TMC1: variants seen among roughly 807,000 people sequenced by gnomAD.
TMC1 encodes transmembrane channel-like protein 1.
Under a neutral mutation model 105.8 loss-of-function variants are expected in TMC1, and 84 were observed. The observed-to-expected ratio is 0.79, with a 90% confidence interval of 0.67 to 0.95. TMC1 has a LOEUF of 0.95. Among genes scored for constraint, TMC1 ranks in the 40% least tolerant of loss-of-function variants. The pLI is 0.00. For synonymous variants in TMC1, 315 were observed against 311.5 expected (o/e 1.01, Z -0.12); for missense variants, 817 against 914.1 (o/e 0.89, Z 1.37).
chr9:72,723,724 G>A (rs1827070800), intron 8 of TMC1, among the ~76,000 whole-genome samples: 1 of 152,106 alleles, frequency 6.6e-6, no homozygotes, highest in Non-Finnish European at 1.5e-5. Flanking sequence ...GTTCTCAATT[G>A]TTAGGGAAGT....
At chr9:72,550,433 A>C (rs1823841577) in intron 1 of TMC1, among the ~76,000 whole-genome samples, 1 of 150,486 alleles carries the variant, frequency 6.6e-6, no homozygotes, top group Non-Finnish European at 1.5e-5. Flanking sequence ...GTGCCACTGC[A>C]CTCTAGCCTA....
In TMC1 at chr9:72,788,487, G is replaced by C; in HGVS notation, c.1029+4G>C. 4 of 1,613,872 alleles carry C rather than the reference G, an allele frequency of 2.5e-6. No homozygotes were observed. The highest frequency in any genetic ancestry group is 3.4e-6 in the Non-Finnish European group (4 of 1,179,844). ...TTCTATCACAATGAACTTTAAGGTA[G>C]AGGCACCAACTTCAAAAACCTGCTG... On this transcript the variant is annotated splice_donor_region_variant and intron_variant, in intron 14 of 23. Coordinates refer to ENST00000297784, the MANE Select transcript of TMC1 (RefSeq NM_138691.3).
intron 1 of TMC1, among the ~76,000 whole-genome samples, chr9:72,565,459 A>G (rs1043081997): frequency 6.6e-6 from 1 of 152,212 alleles, no homozygotes; most frequent in Non-Finnish European, 1.5e-5. Context: ...CACTGACTCT[A>G]TGTGTAAGAA....
Position 72,807,020 on chromosome 9 carries a change from G to A in TMC1, c.1695+1510G>A, listed in dbSNP as rs534400841. Among the ~76,000 whole-genome samples, 11 of 152,372 alleles carry A rather than the reference G, an allele frequency of 7.2e-5. No individual in the cohort carries two copies. The East Asian group carries it at 9.6e-4, about 13-fold the overall frequency. On this transcript the variant is annotated intron_variant, in intron 18 of 23. Transcript: ENST00000297784. ...ACTCCGTCTGCAATCCCGGCACCTCGGGAGGCTGAGGCTGGCGGATCACTT... is the reference window on the plus strand; with the variant it reads ...ACTCCGTCTGCAATCCCGGCACCTCAGGAGGCTGAGGCTGGCGGATCACTT...
chr9:72,593,713 TA>T (rs929307604), intron 2 of TMC1, among the ~76,000 whole-genome samples: 390 of 145,538 alleles, frequency 2.7e-3, no homozygotes, highest in African/African-American at 6.5e-3. Flanking sequence ...ATTTCTATTT[TA>T]AAAAAAAAAA....
chr9:72,615,672 G>A (rs543007570), intron 2 of TMC1, among the ~76,000 whole-genome samples: 1 of 151,902 alleles, frequency 6.6e-6, no homozygotes, highest in South Asian at 2.1e-4. Context: ...TCATCCTTTA[G>A]CATTAAGTTG....
chr9:72,808,313 G>C (rs1430606138), intron 18 of TMC1, among the ~76,000 whole-genome samples: 2 of 152,140 alleles, frequency 1.3e-5, no homozygotes, highest in East Asian at 1.9e-4. Flanking sequence ...TGTTTCTCCC[G>C]CAAGGGGTGC....
chr9:72,785,320 C>T (rs1828152350), intron 13 of TMC1, among the ~76,000 whole-genome samples: 1 of 152,194 alleles, frequency 6.6e-6, no homozygotes, highest in African/African-American at 2.4e-5. Flanking sequence ...TAATCACACA[C>T]TGTGACCATC....
chr9:72,557,600 C>T (rs545825774), intron 1 of TMC1, among the ~76,000 whole-genome samples: 1 of 152,294 alleles, frequency 6.6e-6, no homozygotes, highest in East Asian at 1.9e-4. Flanking sequence ...CCATGTCCCC[C>T]AGATCTAGGT....
At chr9:72,587,947 G>A (rs1564428585) in intron 2 of TMC1, among the ~76,000 whole-genome samples, 2 of 151,830 alleles carry the variant, frequency 1.3e-5, no homozygotes, top group African/African-American at 2.4e-5. Flanking sequence ...CCCCATGCCT[G>A]GCTAAGGTTT....
At chr9:72,633,946 C>G (rs1248981400) in intron 4 of TMC1, among the ~76,000 whole-genome samples, 1 of 152,138 alleles carries the variant, frequency 6.6e-6, no homozygotes, top group Non-Finnish European at 1.5e-5. Context: ...CACAGAAAAA[C>G]CAATACATCA....
At chr9:72,675,019 T>G (rs926992232) in intron 5 of TMC1, among the ~76,000 whole-genome samples, 1 of 152,180 alleles carries the variant, frequency 6.6e-6, no homozygotes, top group Admixed American at 6.6e-5. Flanking sequence ...TTAAGAAGAA[T>G]GCAGAAGTAT....
intron 1 of TMC1, among the ~76,000 whole-genome samples, chr9:72,532,533 C>A (rs760317303): frequency 2.4e-4 from 29 of 118,552 alleles, no homozygotes; most frequent in Non-Finnish European, 4.8e-4. Context: ...AAGAGCGAGA[C>A]TCCGTCTCAA....
chr9:72,709,473 C>T (rs1361841158), intron 8 of TMC1, among the ~76,000 whole-genome samples: 1 of 152,018 alleles, frequency 6.6e-6, no homozygotes, highest in Non-Finnish European at 1.5e-5. Flanking sequence ...TCTGTCTGGT[C>T]CTGGACTTTT....
At chr9:72,724,933 A>G (rs192492500) in intron 8 of TMC1, among the ~76,000 whole-genome samples, 2 of 152,308 alleles carry the variant, frequency 1.3e-5, no homozygotes, top group Admixed American at 1.3e-4. Context: ...ATGCTTTTAA[A>G]TACATTTGAC....
At chr9:72,596,126 C>T (rs927372957) in intron 2 of TMC1, among the ~76,000 whole-genome samples, 1 of 152,160 alleles carries the variant, frequency 6.6e-6, no homozygotes, top group African/African-American at 2.4e-5. Context: ...TTGCCCGCCT[C>T]AGCCTCCCAA....
intron 5 of TMC1, among the ~76,000 whole-genome samples, chr9:72,649,775 T>A (rs1825771182): frequency 6.6e-6 from 1 of 152,202 alleles, no homozygotes; most frequent in Admixed American, 6.5e-5. Flanking sequence ...TGGAAGATGG[T>A]AGATTTCAAC....
At chr9:72,620,126 C>G (rs1825219935) in intron 3 of TMC1, among the ~76,000 whole-genome samples, 1 of 152,038 alleles carries the variant, frequency 6.6e-6, no homozygotes, top group South Asian at 2.1e-4. Flanking sequence ...AGCCACTGTG[C>G]CTGGCCTAAT....
At chr9:72,622,282 C>G (rs935531571) in intron 3 of TMC1, among the ~76,000 whole-genome samples, 10 of 152,174 alleles carry the variant, frequency 6.6e-5, no homozygotes, top group African/African-American at 2.2e-4. Context: ...TCCTGTACAC[C>G]AGCTTCCAAC....
Sources: gnomAD v4.1 joint callset for allele counts (sites outside exome capture counted in the v4.1 genomes callset) on GRCh38, gnomAD v4.1.1 for gene constraint, MANE v1.5 for transcripts, NCBI Gene and HGNC (gene_info 2026-07-23, HGNC 2026-07-21) for gene names.